SVOPL: variants seen among roughly 807,000 people sequenced by gnomAD.
SVOPL encodes putative transporter SVOPL.
Under a neutral mutation model 61.0 loss-of-function variants are expected in SVOPL, and 60 were observed. The ratio of observed to expected loss-of-function variants is 0.98; its 90% CI spans 0.80 to 1.22. SVOPL has a LOEUF of 1.22. SVOPL is among the 50% of genes most tolerant of loss of function. SVOPL has a pLI of 0.00. For missense variants in SVOPL, 662 were observed against 643.9 expected, an observed-to-expected ratio of 1.03 and a Z score of -0.30; for synonymous variants, 279 against 250.0, an observed-to-expected ratio of 1.12 and a Z score of -1.09.
At chr7:138,625,903 T>G in intron 13 of SVOPL, 66 bp downstream of exon 13, 6 of 1,512,836 alleles carry the variant, frequency 4.0e-6, no homozygotes, top group Non-Finnish European at 4.6e-6. Context: ...GCATTACCTT[T>G]GGATGGACAT....
chr7:138,611,097 C>A (rs1798978492), intron 14 of SVOPL, among the ~76,000 whole-genome samples: 1 of 152,240 alleles, frequency 6.6e-6, no homozygotes, highest in South Asian at 2.1e-4. Context: ...AAAACCTTGG[C>A]CGGGCACAGT....
chr7:138,694,658 A>G (rs567209867), intron 1 of SVOPL, among the ~76,000 whole-genome samples: 1 of 152,342 alleles, frequency 6.6e-6, no homozygotes, highest in South Asian at 2.1e-4. Flanking sequence ...TGCCATATAG[A>G]AGCTCTTAAG....
chr7:138,611,207 G>A (rs530384883), intron 14 of SVOPL, among the ~76,000 whole-genome samples: 5 of 152,132 alleles, frequency 3.3e-5, no homozygotes, highest in Non-Finnish European at 7.3e-5. Flanking sequence ...GCAAACCCTC[G>A]TCTCTATTAA....
At chr7:138,671,011 A>T (rs1201797015) in intron 4 of SVOPL, among the ~76,000 whole-genome samples, 1 of 152,234 alleles carries the variant, frequency 6.6e-6, no homozygotes, top group East Asian at 1.9e-4. Flanking sequence ...TATGAAGTCA[A>T]TCATGCTATT....
rs1416878996 is a variant in SVOPL, at chr7:138,672,151, T to G, written c.175-34A>C. ...AGAGGGACACCATGCCATGTCTAAG[T>G]GCCAGCTTGTCATCACTTCTTCTCA... On this transcript the variant is annotated intron_variant, in intron 3 of 15. Transcript: ENST00000674285. The G allele has an allele frequency of 1.9e-6, 3 of 1,540,346 alleles. No homozygotes were observed. In the African/African-American group the frequency reaches 4.1e-5, roughly 21 times the overall value.
At chr7:138,622,100 A>ATCTG (rs1799643563) in intron 13 of SVOPL, among the ~76,000 whole-genome samples, 5 of 118,324 alleles carry the variant, frequency 4.2e-5, no homozygotes, top group Non-Finnish European at 1.9e-5. Flanking sequence ...GTATCTATCT[A>ATCTG]TCTATCTATC....
intron 10 of SVOPL, among the ~76,000 whole-genome samples, chr7:138,629,210 G>A (rs1800050311): frequency 7.2e-6 from 1 of 138,216 alleles, no homozygotes; most frequent in Non-Finnish European, 1.5e-5. Flanking sequence ...CCTCCCCATG[G>A]ATGGCTTACC....
At chr7:138,654,041 G>A (rs1314995939) in intron 7 of SVOPL, among the ~76,000 whole-genome samples, 1 of 151,568 alleles carries the variant, frequency 6.6e-6, no homozygotes, top group African/African-American at 2.4e-5. Flanking sequence ...GCTGAGGCGT[G>A]AGAATCTCTT....
intron 14 of SVOPL, among the ~76,000 whole-genome samples, chr7:138,604,663 G>A (rs1750668170): frequency 1.6e-5 from 1 of 61,716 alleles, no homozygotes; most frequent in African/African-American, 7.3e-5. Context: ...GGGCAACAGA[G>A]CAAAACTTTA....
chr7:138,594,926 CTTT>C (rs750165408), intron 15 of SVOPL, among the ~76,000 whole-genome samples: 1 of 144,420 alleles, frequency 6.9e-6, no homozygotes, highest in African/African-American at 2.5e-5. Context: ...ATATATATAA[CTTT>C]TTTTTTTTTA....
At chr7:138,596,284 C>A in intron 15 of SVOPL, 133 bp downstream of exon 15, 4 of 674,420 alleles carry the variant, frequency 5.9e-6, no homozygotes, top group East Asian at 3.9e-5. Context: ...GTTATTCAAA[C>A]TACAACTTTA....
intron 9 of SVOPL, among the ~76,000 whole-genome samples, chr7:138,638,079 G>A (rs889562255): frequency 2.0e-5 from 3 of 152,046 alleles, no homozygotes; most frequent in Non-Finnish European, 2.9e-5. Flanking sequence ...TTTGAGAACA[G>A]CCTGGCTAAC....
At chr7:138,623,196 C>A (rs1453953189) in intron 13 of SVOPL, among the ~76,000 whole-genome samples, 1 of 152,150 alleles carries the variant, frequency 6.6e-6, no homozygotes, top group East Asian at 1.9e-4. Context: ...ATGATGGCTT[C>A]TTTGCTATAA....
At position 138,672,065 on chromosome 7, in the gene SVOPL, C is replaced by T. The variant is rs779169354; in HGVS notation, c.227G>A (p.Arg76His). 43 of 1,551,534 alleles carry T rather than the reference C, an allele frequency of 2.8e-5. No individual in the cohort carries two copies. Among genetic ancestry groups the T allele is most frequent in the Admixed American group, 1.6e-4 (8 of 50,984 alleles). The part of the protein sequence containing the change: ...MLIAVVSPVI[R>H]CEWQLENWQV... The stretch of plus-strand genomic sequence containing the variant: ...CCAATTCTCCAGTTGCCATTCACAG[C>T]GGATGACAGGAGACACAACAGCTAT... The change falls in exon 4 of 16, where the codon CGC (arginine) becomes CAC (histidine). Residue 76 changes from arginine (R) to histidine (H), a missense_variant. Arg to His is a conservative substitution (Grantham distance 29). Coordinates refer to ENST00000674285, the MANE Select transcript of SVOPL (RefSeq NM_001139456.2).
At chr7:138,691,063 C>G (rs1802929141) in intron 1 of SVOPL, among the ~76,000 whole-genome samples, 1 of 152,186 alleles carries the variant, frequency 6.6e-6, no homozygotes, top group East Asian at 1.9e-4. Flanking sequence ...GCATGAGCCA[C>G]CGCACCCAGC....
At chr7:138,631,798 A>G (rs1233048779) in intron 9 of SVOPL, among the ~76,000 whole-genome samples, 1 of 152,032 alleles carries the variant, frequency 6.6e-6, no homozygotes, top group Non-Finnish European at 1.5e-5. Context: ...CAAACTCCTG[A>G]CTTCAAGTGA....
chr7:138,627,935 A>T (rs1799965826), intron 11 of SVOPL, among the ~76,000 whole-genome samples: 1 of 152,192 alleles, frequency 6.6e-6, no homozygotes, highest in Non-Finnish European at 1.5e-5. Context: ...AAGGGTGAAA[A>T]AAACACCTTA....
chr7:138,647,829 TAG>T (rs1173560968), intron 8 of SVOPL, among the ~76,000 whole-genome samples: 2 of 118,928 alleles, frequency 1.7e-5, no homozygotes, highest in African/African-American at 6.8e-5. Flanking sequence ...GCCTGGGCAA[TAG>T]AGTAAGACTC....
At chr7:138,699,788 C>A (rs1184976547) in intron 1 of SVOPL, among the ~76,000 whole-genome samples, 1 of 152,156 alleles carries the variant, frequency 6.6e-6, no homozygotes, top group Non-Finnish European at 1.5e-5. Context: ...AGCAAGTCAG[C>A]CCTCGCCCCG....
Sources: allele counts gnomAD v4.1 joint callset (sites outside exome capture counted in the v4.1 genomes callset), GRCh38; gene constraint gnomAD v4.1.1; transcripts MANE v1.5; gene names NCBI Gene and HGNC (gene_info 2026-07-23, HGNC 2026-07-21).